The following CALD1 variants were observed in gnomAD, a reference collection of about 807,000 sequenced individuals.
CALD1 encodes the protein caldesmon 1.
A neutral mutation model predicts 99.9 loss-of-function variants in CALD1; 33 were observed. That is an observed-to-expected ratio of 0.33 (90% CI 0.25 to 0.44). The LOEUF is 0.44. Ranked by LOEUF, CALD1 falls within the 20% of genes least tolerant of loss-of-function variation. The probability of loss-of-function intolerance (pLI) is 1.00; values close to 1 mark genes in which losing one functional copy is unlikely to be tolerated. For missense variants in CALD1, 861 were observed against 962.1 expected, an observed-to-expected ratio of 0.89 and a Z score of 1.39; for synonymous variants, 310 against 325.0, an observed-to-expected ratio of 0.95 and a Z score of 0.50.
intron 3 of CALD1, among the ~76,000 whole-genome samples, chr7:134,901,980 G>A (rs1803032364): frequency 6.6e-6 from 1 of 152,030 alleles, no homozygotes; most frequent in Non-Finnish European, 1.5e-5. Flanking sequence ...TATATTTGGA[G>A]GTGGAGTATA....
chr7:134,942,576 A>G (rs1292686805), intron 7 of CALD1, among the ~76,000 whole-genome samples: 1 of 152,254 alleles, frequency 6.6e-6, no homozygotes, highest in Non-Finnish European at 1.5e-5. Context: ...GAACATTCAT[A>G]GAAAATCTAC....
intron 9 of CALD1, among the ~76,000 whole-genome samples, chr7:134,957,632 GCTGGTCTTGAA>G (rs1807878085): frequency 6.6e-6 from 1 of 152,120 alleles, no homozygotes; most frequent in African/African-American, 2.4e-5. Context: ...TGTTGGCCAG[GCTGGTCTTGAA>G]CTCCTGACCT....
chr7:134,959,858 G>T, intron 11 of CALD1, 116 bp from the exon 12 acceptor site: 1 of 1,010,700 alleles, frequency 9.9e-7, no homozygotes, highest in Non-Finnish European at 1.5e-6. Context: ...CATTTTTGGT[G>T]GAGGTGTTTA....
At chr7:134,770,485 C>A (rs1029043220) in intron 1 of CALD1, among the ~76,000 whole-genome samples, 5 of 152,082 alleles carry the variant, frequency 3.3e-5, no homozygotes, top group Non-Finnish European at 7.4e-5. Flanking sequence ...TTCTAGGGGT[C>A]ACTGGCAAGC....
intron 3 of CALD1, among the ~76,000 whole-genome samples, chr7:134,896,528 G>A (rs556202355): frequency 7.2e-5 from 11 of 152,292 alleles, no homozygotes; most frequent in African/African-American, 2.2e-4. Flanking sequence ...AGCACTGCAC[G>A]AGCAGTGGTG....
chr7:134,727,632 T>G, the CALD1 span, among the ~76,000 whole-genome samples: 5 of 152,214 alleles, frequency 3.3e-5, no homozygotes, highest in African/African-American at 1.2e-4. Context: ...CAGGTTACTT[T>G]CCTTGCACGG....
intron 1 of CALD1, among the ~76,000 whole-genome samples, chr7:134,807,524 T>C (rs1798192567): frequency 6.6e-6 from 1 of 152,220 alleles, no homozygotes; most frequent in Admixed American, 6.5e-5. Context: ...TGTAGGGTTC[T>C]GGCTCTTAAA....
At chr7:134,868,789 T>G (rs1586155970) in intron 3 of CALD1, among the ~76,000 whole-genome samples, 1 of 152,308 alleles carries the variant, frequency 6.6e-6, no homozygotes. Flanking sequence ...CAAGGCACTA[T>G]GGATGGTACC....
intron 3 of CALD1, among the ~76,000 whole-genome samples, chr7:134,914,601 T>A (rs139271079): frequency 6.6e-6 from 1 of 152,208 alleles, no homozygotes; most frequent in Non-Finnish European, 1.5e-5. Flanking sequence ...CCAAGCACGA[T>A]TGGCGCCTCA....
chr7:134,965,795 T>C, intron 14 of CALD1, among the ~76,000 whole-genome samples: 1 of 150,056 alleles, frequency 6.7e-6, no homozygotes, highest in Non-Finnish European at 1.5e-5. Flanking sequence ...TTAGATTACA[T>C]TGCCACTGCC....
intron 1 of CALD1, among the ~76,000 whole-genome samples, chr7:134,831,608 C>T (rs988521114): frequency 1.3e-5 from 2 of 152,046 alleles, no homozygotes; most frequent in East Asian, 1.9e-4. Context: ...CATGAGCCAC[C>T]GCACCCGGTC....
intron 3 of CALD1, among the ~76,000 whole-genome samples, chr7:134,913,124 G>T (rs1157254941): frequency 1.3e-5 from 2 of 152,096 alleles, no homozygotes; most frequent in Admixed American, 1.3e-4. Flanking sequence ...AAATTAGCTG[G>T]GTGTGGTGGC....
intron 1 of CALD1, among the ~76,000 whole-genome samples, chr7:134,791,034 T>C (rs888448878): frequency 6.9e-6 from 1 of 144,370 alleles, no homozygotes; most frequent in Non-Finnish European, 1.5e-5. Flanking sequence ...AAGAAATTAG[T>C]GTCCACTCAC....
chr7:134,907,667 TA>T (rs913432488), intron 3 of CALD1, among the ~76,000 whole-genome samples: 18 of 151,598 alleles, frequency 1.2e-4, no homozygotes, highest in African/African-American at 2.9e-4. Flanking sequence ...GTTTGGACTT[TA>T]AAAAAAAATT....
chr7:134,829,808 TC>T (rs2132063883), intron 1 of CALD1, among the ~76,000 whole-genome samples: 2 of 151,964 alleles, frequency 1.3e-5, no homozygotes, highest in South Asian at 4.2e-4. Context: ...GGAGGAAGAG[TC>T]CAGATGAGAT....
intron 1 of CALD1, among the ~76,000 whole-genome samples, chr7:134,816,406 T>G (rs907125808): frequency 6.6e-6 from 1 of 152,170 alleles, no homozygotes; most frequent in African/African-American, 2.4e-5. Context: ...CTTATTAATT[T>G]TCACATGCTG....
At chr7:134,746,162 T>A (rs1285631113) in intron 1 of CALD1, among the ~76,000 whole-genome samples, 2 of 152,196 alleles carry the variant, frequency 1.3e-5, no homozygotes, top group Non-Finnish European at 2.9e-5. Flanking sequence ...TATGTTGAAA[T>A]CCTAACTCCA....
At chr7:134,808,694 CT>C (rs1165801907) in intron 1 of CALD1, among the ~76,000 whole-genome samples, 1 of 152,200 alleles carries the variant, frequency 6.6e-6, no homozygotes, top group African/African-American at 2.4e-5. Context: ...ACTCATTTGC[CT>C]GGTGAAGCAT....
chr7:134,798,448 G>C (rs943297128), intron 1 of CALD1, among the ~76,000 whole-genome samples: 2 of 152,200 alleles, frequency 1.3e-5, no homozygotes, highest in African/African-American at 4.8e-5. Context: ...CAATTTCACA[G>C]TTTTAGGCAG....
Sources: gnomAD v4.1 joint callset for allele counts (sites outside exome capture counted in the v4.1 genomes callset) on GRCh38, gnomAD v4.1.1 for gene constraint, MANE v1.5 for transcripts, NCBI Gene and HGNC (gene_info 2026-07-23, HGNC 2026-07-21) for gene names.